Variants in PRSS56 observed in about 807,000 individuals in gnomAD.
PRSS56 encodes protease, serine 56.
Under a neutral mutation model 66.8 loss-of-function variants are expected in PRSS56, and 55 were observed. The ratio of observed to expected loss-of-function variants is 0.82; its 90% CI spans 0.66 to 1.03. The LOEUF is 1.03. Among genes scored for constraint, PRSS56 ranks in the 50% least tolerant of loss-of-function variants. PRSS56 has a pLI of 0.00. For missense variants in PRSS56, 869 were observed against 837.2 expected, an observed-to-expected ratio of 1.04 and a Z score of -0.47; for synonymous variants, 409 against 387.9, an observed-to-expected ratio of 1.05 and a Z score of -0.64.
rs1190868284 is a variant in PRSS56 at position 232,522,619 on chromosome 2, G to A, written c.546+5G>A. ...CGCATCCTGCCCCACCCCAAGGTGA[G>A]AAGGCAGTCCCCAGGCCCCCAAGGC... On this transcript the variant is annotated splice_donor_5th_base_variant and intron_variant, in intron 5 of 12. Coordinates refer to ENST00000617714, the MANE Select transcript of PRSS56 (RefSeq NM_001195129.2). 1 of 1,534,854 alleles carries A rather than the reference G, an allele frequency of 6.5e-7. No individual in the cohort carries two copies. The highest frequency in any genetic ancestry group is 8.7e-7 in the Non-Finnish European group (1 of 1,146,250).
In PRSS56 at chr2:232,525,590, C is replaced by G. The variant is rs115585290; in HGVS notation, c.*84C>G. The G allele has an allele frequency of 6.0e-6, 4 of 666,390 alleles. No individual in the cohort carries two copies. The highest frequency in any genetic ancestry group is 8.2e-6 in the Non-Finnish European group (4 of 487,478). 41.3% of individuals were successfully genotyped at this position (666,390 alleles called of 1,614,324 possible). On this transcript the variant is annotated 3_prime_UTR_variant, in exon 13 of 13. Transcript: ENST00000617714. ...GTTCGGGAGCATAATGACAAACTGT[C>G]GCTGCCCCAGTGGCTGGGTGTGTGT...
rs1221357544 is a variant in PRSS56 at position 232,522,122 on chromosome 2, G to C, written c.408G>C (p.Ala136=). 5.9e-6 allele frequency: 9 copies of C among 1,517,396 alleles called. No individual in the cohort carries two copies. The highest frequency in any genetic ancestry group is 7.9e-6 in the Non-Finnish European group (9 of 1,139,546). 94.0% of individuals were successfully genotyped at this position (1,517,396 alleles called of 1,614,324 possible). The change falls in exon 4 of 13, where the codon GCG becomes GCC. Residue 136 remains alanine, a synonymous_variant. Coordinates refer to ENST00000617714, the MANE Select transcript of PRSS56 (RefSeq NM_001195129.2). ...GQPLCGGVLV[A]ASWVLTAAHC... ...CTCTGTGCGGCGGCGTCCTGGTAGC[G>C]GCCTCCTGGGTGCTCACGGCAGCGC...
intron 9 of PRSS56, 23 bp downstream of exon 9, chr2:232,523,968 C>T: frequency 6.6e-7 from 1 of 1,517,054 alleles, no homozygotes; most frequent in Non-Finnish European, 8.8e-7. Flanking sequence ...CACCCGGACC[C>T]GGACGGGGGG....
intron 2 of PRSS56, among the ~76,000 whole-genome samples, 172 bp downstream of exon 2, chr2:232,521,600 G>A (rs1389575194): frequency 1.3e-5 from 2 of 152,364 alleles, no homozygotes; most frequent in African/African-American, 4.8e-5. Flanking sequence ...GAAAGGACAC[G>A]CTAGGCTTGG....
chr2:232,523,845 C>G lies in PRSS56; in HGVS notation c.1086C>G (p.Ala362=). The G allele has an allele frequency of 6.5e-7, 1 of 1,533,324 alleles. No individual in the cohort carries two copies. Among genetic ancestry groups the G allele is most frequent in the South Asian group, 1.2e-5 (1 of 83,934 alleles). The allele number at this position is 1,533,324 out of a possible 1,614,324, so 95.0% of individuals were successfully genotyped here. A position where few individuals can be genotyped will look rare whatever the true frequency, so the allele number is the denominator to read the frequency against. ...CCCCCCAGGAGCTGCAGGCAGACGC[C>G]GCCCGGCTCTGCGCCTTCTATGCCC... ...WDPPQELQAD[A]ARLCAFYARL... is the part of the protein sequence containing the mutation. Residue 362 remains alanine, a synonymous_variant, in exon 9 of 13, where the codon GCC becomes GCG. Transcript: ENST00000617714.
rs1379868560 is a variant in PRSS56, at chr2:232,521,305, C to T, written c.98-16C>T. On this transcript the variant is annotated splice_polypyrimidine_tract_variant and intron_variant, in intron 1 of 12. Transcript: ENST00000617714. Reference sequence around the variant, plus strand: ...TTCCCCAACCACGCATGATTGTGTGCCCCCTGTCCCAGCAGTTCTGTCGGC... The same window carrying T: ...TTCCCCAACCACGCATGATTGTGTGTCCCCTGTCCCAGCAGTTCTGTCGGC... 2 of 1,525,814 alleles carry T rather than the reference C, an allele frequency of 1.3e-6. No homozygotes were observed. Among genetic ancestry groups the T allele is most frequent in the South Asian group, 1.2e-5 (1 of 83,874 alleles). The allele number at this position is 1,525,814 out of a possible 1,614,324, so 94.5% of individuals were successfully genotyped here. A position where few individuals can be genotyped will look rare whatever the true frequency, so the allele number is the denominator to read the frequency against.
Position 232,521,189 on chromosome 2 carries a change from G to C in PRSS56, c.98-132G>C, listed in dbSNP as rs541018012. ...TCTGAGTGCTGGGCCCAGCGTCCCC[G>C]GGGCTCACTTGCCTCCTCATTCTGT... On this transcript the variant is annotated intron_variant, in intron 1 of 12. Coordinates refer to ENST00000617714, the MANE Select transcript of PRSS56 (RefSeq NM_001195129.2). 35 of 668,628 alleles carry C rather than the reference G, an allele frequency of 5.2e-5. No individual in the cohort carries two copies. In the South Asian group the frequency reaches 6.0e-4, roughly 12 times the overall value. The allele number at this position is 668,628 out of a possible 1,614,324, so 41.4% of individuals were successfully genotyped here.
Position 232,520,676 on chromosome 2 carries a change from GC to G in PRSS56, c.84del (p.Ser29AlafsTer25). 2 of 1,532,684 alleles carry G rather than the reference GC, an allele frequency of 1.3e-6. No individual in the cohort carries two copies. The highest frequency in any genetic ancestry group is 1.7e-6 in the Non-Finnish European group (2 of 1,144,112). The allele number at this position is 1,532,684 out of a possible 1,614,324, so 94.9% of individuals were successfully genotyped here. On this transcript the variant is annotated frameshift_variant, in exon 1 of 13. Coordinates refer to ENST00000617714, the MANE Select transcript of PRSS56 (RefSeq NM_001195129.2). LOFTEE classifies it high-confidence loss of function. ...ACGGGCACCCACTGTACACACGCCT[GC>G]CCCCCAGCGCCCTGCAAGGTAAGTC... ...AHGHPLYTRLPPSALQVLSAQ... is the reference protein window; with the variant it reads ...AHGHPLYTRLXPSALQVLSAQ...
chr2:232,524,167 C>T lies in PRSS56; in HGVS notation c.1315C>T (p.Pro439Ser), dbSNP rs1691350429. 3 of 1,527,884 alleles carry T rather than the reference C, an allele frequency of 2.0e-6. No homozygotes were observed. Among genetic ancestry groups the T allele is most frequent in the Non-Finnish European group, 2.6e-6 (3 of 1,142,732 alleles). The allele number at this position is 1,527,884 out of a possible 1,614,324, so 94.6% of individuals were successfully genotyped here. ...ALPAPALRESPLHPARELRLH... is the reference protein window; with the variant it reads ...ALPAPALRESSLHPARELRLH... ...CCCCGCTCCAGCGCTCAGGGAGTCT[C>T]CTCTGCACCCCGCCCGGGAGCTGCG... is the stretch of plus-strand genomic sequence containing the variant. Residue 439 changes from proline (P) to serine (S), a missense_variant, in exon 10 of 13, where the codon CCT (proline) becomes TCT (serine). Coordinates refer to ENST00000617714, the MANE Select transcript of PRSS56 (RefSeq NM_001195129.2).
In PRSS56 at chr2:232,525,395, G is replaced by T; in HGVS notation, c.1701G>T (p.Leu567=). 6.5e-7 allele frequency: 1 copy of T among 1,534,142 alleles called. No individual in the cohort carries two copies. Among genetic ancestry groups the T allele is most frequent in the Non-Finnish European group, 8.7e-7 (1 of 1,146,276 alleles). Reference sequence around the variant, plus strand: ...TGCAGGCCTTCCGCGTGGCTGCCCTGGCAGAAGGGGAGCCCGAGGGACCCT... The same window carrying T: ...TGCAGGCCTTCCGCGTGGCTGCCCTTGCAGAAGGGGAGCCCGAGGGACCCT... ...QALQAFRVAA[L]AEGEPEGPWM... is the part of the protein sequence containing the mutation. Residue 567 remains leucine, a synonymous_variant, in exon 13 of 13, where the codon CTG becomes CTT. Coordinates refer to ENST00000617714, the MANE Select transcript of PRSS56 (RefSeq NM_001195129.2).
intron 4 of PRSS56, 50 bp from the exon 5 acceptor site, chr2:232,522,465 C>A: frequency 6.9e-7 from 1 of 1,443,266 alleles, no homozygotes; most frequent in Non-Finnish European, 9.3e-7. Flanking sequence ...GAGGGGCCTG[C>A]GGGGTGTGCC....
intron 1 of PRSS56, among the ~76,000 whole-genome samples, 182 bp downstream of exon 1, chr2:232,520,877 C>A (rs921057482): frequency 6.6e-6 from 1 of 151,606 alleles, no homozygotes; most frequent in Non-Finnish European, 1.5e-5. Flanking sequence ...AGGGGTGTGG[C>A]GGGAAAGGGA....
Position 232,523,941 on chromosome 2 carries a change from A to T in PRSS56, c.1182A>T (p.Arg394=), listed in dbSNP as rs898076879. 1 of 1,507,698 alleles carries T rather than the reference A, an allele frequency of 6.6e-7. No individual in the cohort carries two copies. The highest frequency in any genetic ancestry group is 8.8e-7 in the Non-Finnish European group (1 of 1,133,974). 93.4% of individuals were successfully genotyped at this position (1,507,698 alleles called of 1,614,324 possible). Residue 394 remains arginine (R), a synonymous_variant, in exon 9 of 13, where the codon CGA becomes CGT. Coordinates refer to ENST00000617714, the MANE Select transcript of PRSS56 (RefSeq NM_001195129.2). The part of the protein sequence containing the change: ...AHQQCLQRRR[R]CELRSLAHTL... ...AGCAGTGCCTGCAGCGCCGGCGGCG[A>T]TGCGGTCAGTTCTGTTCACCCGGAC...
In PRSS56 at chr2:232,524,756, C is replaced by T. The variant is rs1691380270; in HGVS notation, c.1433C>T (p.Pro478Leu). 6.5e-7 allele frequency: 1 copy of T among 1,528,402 alleles called. No homozygotes were observed. The highest frequency in any genetic ancestry group is 2.0e-5 in the Admixed American group (1 of 50,680). The allele number at this position is 1,528,402 out of a possible 1,614,324, so 94.7% of individuals were successfully genotyped here. A position where few individuals can be genotyped will look rare whatever the true frequency, so the allele number is the denominator to read the frequency against. ...GEANGCPGLEPLRQKLAALQG... is the reference protein window; with the variant it reads ...GEANGCPGLELLRQKLAALQG... ...CCTCCAGGCTGCCCTGGGCTGGAGC[C>T]CCTGCGACAGAAGTTGGCTGCCCTG... is the stretch of plus-strand genomic sequence containing the variant. The change falls in exon 12 of 13, where the codon CCC becomes CTC. Residue 478 changes from proline to leucine, a missense_variant. Pro to Leu is a moderately conservative substitution (Grantham distance 98, BLOSUM62 -3). Coordinates refer to ENST00000617714, the MANE Select transcript of PRSS56 (RefSeq NM_001195129.2).
chr2:232,523,817 A>AC lies in PRSS56; in HGVS notation c.1066dup (p.Gln356ProfsTer152), dbSNP rs730882064. 3.9e-4 allele frequency: 596 copies of AC among 1,530,524 alleles called. 1 individual carries two copies. The highest frequency in any genetic ancestry group is 8.5e-4 in the Middle Eastern group (4 of 4,708). The allele number at this position is 1,530,524 out of a possible 1,614,324, so 94.8% of individuals were successfully genotyped here. On this transcript the variant is annotated frameshift_variant, in exon 9 of 13. Coordinates refer to ENST00000617714, the MANE Select transcript of PRSS56 (RefSeq NM_001195129.2). LOFTEE classifies it high-confidence loss of function. Reference sequence around the variant, plus strand: ...AGCTGCAGGGAGCTTCTGGCCTGGGACCCCCCCCAGGAGCTGCAGGCAGAC... The same window carrying AC: ...AGCTGCAGGGAGCTTCTGGCCTGGGACCCCCCCCCAGGAGCTGCAGGCAGAC...
At chr2:232,522,252 G>T in intron 4 of PRSS56, 92 bp downstream of exon 4, 1 of 1,221,992 alleles carries the variant, frequency 8.2e-7, no homozygotes, top group Non-Finnish European at 1.1e-6. Flanking sequence ...CGCGGGAAAG[G>T]TGGTCTCTGC....
At chr2:232,525,053 G>A (rs957684776) in intron 12 of PRSS56, among the ~76,000 whole-genome samples, 163 bp from the exon 13 acceptor site, 4 of 151,142 alleles carry the variant, frequency 2.6e-5, no homozygotes, top group African/African-American at 9.7e-5. Flanking sequence ...GGTGGGGAGA[G>A]TGAGTAGAGG....
chr2:232,521,840 C>G lies in PRSS56; in HGVS notation c.230C>G (p.Ala77Gly), dbSNP rs1165025133. 23 of 1,536,078 alleles carry G rather than the reference C, an allele frequency of 1.5e-5. No individual in the cohort carries two copies. The East Asian group carries it at 2.9e-4, about 20-fold the overall frequency. ...CRGSGRPRPQ[A>G]LLQDPPEPGP... The stretch of plus-strand genomic sequence containing the variant: ...GGATCTGGGCGCCCCAGGCCTCAAG[C>G]TCTCCTCCAGGACCCACCTGAGCCA... Residue 77 changes from alanine to glycine, a missense_variant, in exon 3 of 13, where the codon GCT becomes GGT. Physicochemically the swap from Ala to Gly is moderately conservative, Grantham distance 60. Transcript: ENST00000617714.
At chr2:232,521,500 T>C (rs969207730) in intron 2 of PRSS56, 72 bp downstream of exon 2, 78 of 1,232,684 alleles carry the variant, frequency 6.3e-5, no homozygotes, top group Middle Eastern at 1.8e-4. Context: ...CCTCTGTCCC[T>C]TCCCTTCAGT....
Sources: gnomAD v4.1 joint callset for allele counts (sites outside exome capture counted in the v4.1 genomes callset) on GRCh38, gnomAD v4.1.1 for gene constraint, MANE v1.5 for transcripts, NCBI Gene and HGNC (gene_info 2026-07-23, HGNC 2026-07-21) for gene names.